Variants in GPR39 observed in about 807,000 individuals in gnomAD.
The protein encoded by GPR39 is G protein-coupled receptor 39, also known as zinc sensing receptor.
Under a neutral mutation model 18.4 loss-of-function variants are expected in GPR39, and 23 were observed. That is an observed-to-expected ratio of 1.25 (90% confidence interval 0.90 to 1.77). GPR39 has a LOEUF of 1.77. Among genes scored for constraint, GPR39 ranks in the 40% most tolerant of loss-of-function variants. The pLI is 0.00. For synonymous variants in GPR39, 280 were observed against 257.9 expected (o/e 1.09, Z -0.82); for missense variants, 647 against 602.4 (o/e 1.07, Z -0.78).
intron 1 of GPR39, among the ~76,000 whole-genome samples, chr2:132,558,554 G>A (rs928196696): frequency 1.3e-5 from 2 of 152,160 alleles, no homozygotes; most frequent in Non-Finnish European, 2.9e-5. Context: ...AATGAGCTGG[G>A]GGCACCGGGA....
At chr2:132,563,372 G>A (rs901547082) in intron 1 of GPR39, among the ~76,000 whole-genome samples, 1 of 152,186 alleles carries the variant, frequency 6.6e-6, no homozygotes, top group African/African-American at 2.4e-5. Flanking sequence ...CACTTTGGGA[G>A]GATTGCTTGA....
chr2:132,495,328 A>G (rs1475991684), intron 1 of GPR39, among the ~76,000 whole-genome samples: 1 of 152,190 alleles, frequency 6.6e-6, no homozygotes, highest in African/African-American at 2.4e-5. Context: ...CCAGAAATCT[A>G]GGTCCACCTT....
At chr2:132,610,031 C>T (rs1363756893) in intron 1 of GPR39, among the ~76,000 whole-genome samples, 2 of 151,974 alleles carry the variant, frequency 1.3e-5, no homozygotes. Flanking sequence ...CATTCCTTAC[C>T]TGGAAAGTCT....
At chr2:132,539,776 G>C (rs1014239251) in intron 1 of GPR39, among the ~76,000 whole-genome samples, 3 of 152,226 alleles carry the variant, frequency 2.0e-5, no homozygotes, top group Admixed American at 6.5e-5. Flanking sequence ...TCCCAGATAA[G>C]ACAGGGGAGG....
chr2:132,618,629 C>T (rs185299431), intron 1 of GPR39, among the ~76,000 whole-genome samples: 49 of 152,204 alleles, frequency 3.2e-4, no homozygotes, highest in Middle Eastern at 3.4e-3. Context: ...GGGCTGGGCT[C>T]GGTGGTGCTT....
chr2:132,502,097 A>T (rs1679049392), intron 1 of GPR39, among the ~76,000 whole-genome samples: 1 of 152,154 alleles, frequency 6.6e-6, no homozygotes, highest in Non-Finnish European at 1.5e-5. Context: ...TTGAGATGTG[A>T]GGTACTATTC....
rs536725837 is a variant in GPR39 at position 132,570,139 on chromosome 2, C to G, written c.857-74962C>G. On this transcript the variant is annotated intron_variant, in intron 1 of 1. Transcript: ENST00000329321. ...GGGAGCCCACTCACTGCCCTTGGCCCTCCCCACCCAGCTGATTTTCTTCCC... is the reference window on the plus strand; with the variant it reads ...GGGAGCCCACTCACTGCCCTTGGCCGTCCCCACCCAGCTGATTTTCTTCCC... Among the ~76,000 whole-genome samples the G allele has an allele frequency of 4.1e-4, 62 of 152,266 alleles. 1 individual carries two copies. The highest frequency in any genetic ancestry group is 5.3e-4 in the Non-Finnish European group (36 of 68,006).
chr2:132,563,043 C>T (rs1300433476), intron 1 of GPR39, among the ~76,000 whole-genome samples: 1 of 152,212 alleles, frequency 6.6e-6, no homozygotes, highest in Admixed American at 6.5e-5. Context: ...CTGTCCTCTG[C>T]TCCCAGTGTT....
chr2:132,438,895 C>A (rs562873258), intron 1 of GPR39, among the ~76,000 whole-genome samples: 1 of 152,256 alleles, frequency 6.6e-6, no homozygotes, highest in East Asian at 1.9e-4. Flanking sequence ...TGTCGGAATT[C>A]CCCTGCTCTG....
At chr2:132,492,541 C>G in intron 1 of GPR39, among the ~76,000 whole-genome samples, 1 of 131,490 alleles carries the variant, frequency 7.6e-6, no homozygotes, top group African/African-American at 2.8e-5. Flanking sequence ...ATATATACAC[C>G]ATATATATAC....
chr2:132,526,313 A>G (rs903263935), intron 1 of GPR39, among the ~76,000 whole-genome samples: 3 of 152,212 alleles, frequency 2.0e-5, no homozygotes, highest in Non-Finnish European at 2.9e-5. Flanking sequence ...TAAGGATTGC[A>G]GACCTGTAGA....
intron 1 of GPR39, among the ~76,000 whole-genome samples, chr2:132,479,523 C>T (rs1038415050): frequency 3.3e-5 from 5 of 152,152 alleles, no homozygotes; most frequent in Non-Finnish European, 5.9e-5. Context: ...TATAAAGATC[C>T]TTAAGTGGGT....
At chr2:132,480,123 T>C (rs1468016885) in intron 1 of GPR39, among the ~76,000 whole-genome samples, 1 of 152,204 alleles carries the variant, frequency 6.6e-6, no homozygotes, top group Admixed American at 6.5e-5. Flanking sequence ...TGGATGAACC[T>C]TAAAGGCATT....
At chr2:132,424,932 G>A (rs1408305440) in intron 1 of GPR39, among the ~76,000 whole-genome samples, 3 of 152,140 alleles carry the variant, frequency 2.0e-5, no homozygotes, top group Admixed American at 6.5e-5. Context: ...GACAGTGACT[G>A]CTTCCATTCA....
At chr2:132,586,517 C>T (rs1680735495) in intron 1 of GPR39, among the ~76,000 whole-genome samples, 1 of 152,180 alleles carries the variant, frequency 6.6e-6, no homozygotes, top group African/African-American at 2.4e-5. Flanking sequence ...CCAAATGAGA[C>T]ACCCTTGGGG....
chr2:132,459,735 TACTC>T (rs775386791), intron 1 of GPR39, among the ~76,000 whole-genome samples: 2 of 152,244 alleles, frequency 1.3e-5, no homozygotes, highest in African/African-American at 4.8e-5. Context: ...ATTTGACACA[TACTC>T]AGTCACGAAG....
At position 132,645,157 on chromosome 2, in the gene GPR39, A is replaced by G. The variant is rs1454667256; in HGVS notation, c.913A>G (p.Met305Val). The G allele has an allele frequency of 6.2e-7, 1 of 1,614,154 alleles. No individual in the cohort carries two copies. The highest frequency in any genetic ancestry group is 1.1e-5 in the South Asian group (1 of 91,066). ...CWMPNQIRRIMAAAKPKHDWT... is the reference protein window; with the variant it reads ...CWMPNQIRRIVAAAKPKHDWT... ...GATGCCCAACCAGATTCGGAGGATC[A>G]TGGCTGCGGCCAAACCCAAGCACGA... The change falls in exon 2 of 2, where the codon ATG becomes GTG. Residue 305 changes from methionine (M) to valine (V), a missense_variant. This residue lies in a region of GPR39 where 581 missense variants were observed against 506.8 expected (regional missense o/e 1.15). Coordinates refer to ENST00000329321, the MANE Select transcript of GPR39 (RefSeq NM_001508.3).
intron 1 of GPR39, among the ~76,000 whole-genome samples, chr2:132,498,170 G>T (rs1264901619): frequency 6.6e-6 from 1 of 152,096 alleles, no homozygotes; most frequent in African/African-American, 2.4e-5. Flanking sequence ...TGCTTTCTGA[G>T]ATTTTGGTGC....
intron 1 of GPR39, among the ~76,000 whole-genome samples, chr2:132,571,036 G>A (rs1021339277): frequency 2.0e-5 from 3 of 152,166 alleles, no homozygotes; most frequent in South Asian, 4.1e-4. Context: ...ATGGGAGCTC[G>A]AACATGTTTA....
Sources: gnomAD v4.1 joint callset for allele counts (sites outside exome capture counted in the v4.1 genomes callset) on GRCh38, gnomAD v4.1.1 for gene constraint, gnomAD v4.1.1 regional missense constraint, MANE v1.5 for transcripts, NCBI Gene and HGNC (gene_info 2026-07-23, HGNC 2026-07-21) for gene names.